CPXM2: variants seen among roughly 807,000 people sequenced by gnomAD.
CPXM2 encodes the protein carboxypeptidase X, M14 family member 2.
A neutral mutation model predicts 86.1 loss-of-function variants in CPXM2; 66 were observed. The ratio of observed to expected loss-of-function variants is 0.77; its 90% CI spans 0.63 to 0.94. The LOEUF (loss-of-function observed/expected upper bound fraction) is 0.94. CPXM2 is among the 40% of genes least tolerant of loss of function. The probability of loss-of-function intolerance (pLI) is 0.00; values close to 1 mark genes in which losing one functional copy is unlikely to be tolerated. For missense variants in CPXM2, 948 were observed against 1,026.3 expected, an observed-to-expected ratio of 0.92 and a Z score of 1.04; for synonymous variants, 388 against 400.2, an observed-to-expected ratio of 0.97 and a Z score of 0.36.
At chr10:123,823,911 G>A (rs549808056) in intron 4 of CPXM2, among the ~76,000 whole-genome samples, 105 of 152,204 alleles carry the variant, frequency 6.9e-4, no homozygotes, top group Non-Finnish European at 3.8e-4. Context: ...TGAGACATGG[G>A]CCACCATGTT....
At chr10:123,771,726 A>C (rs1427892699) in intron 7 of CPXM2, among the ~76,000 whole-genome samples, 1 of 152,208 alleles carries the variant, frequency 6.6e-6, no homozygotes, top group Admixed American at 6.5e-5. Flanking sequence ...CCCACATGTC[A>C]TGAAAGGGAC....
chr10:123,875,978 G>T (rs1012556207), intron 2 of CPXM2, among the ~76,000 whole-genome samples: 1 of 151,574 alleles, frequency 6.6e-6, no homozygotes, highest in Admixed American at 6.6e-5. Context: ...TGCCACGCCC[G>T]GCTAATTTTT....
chr10:123,797,606 G>GTCTCACTCCATTGCCCCGGC (rs33953133), intron 6 of CPXM2, among the ~76,000 whole-genome samples: 15,359 of 151,550 alleles, frequency 0.1, 910 homozygotes, highest in African/African-American at 0.16. Flanking sequence ...TTGAGACAGG[G>GTCTCACTCCATTGCCCCGGC]TGGAGTGTAG....
At position 123,854,461 on chromosome 10, in the gene CPXM2, ATATATATTT is replaced by A. The variant is rs1194783433; in HGVS notation, c.513+8144_513+8152del. Among the ~76,000 whole-genome samples the A allele has an allele frequency of 2.3e-5, 3 of 131,874 alleles. No homozygotes were observed. In the East Asian group the frequency reaches 6.2e-4, roughly 27 times the overall value. 86.5% of individuals were successfully genotyped at this position (131,874 alleles called of 152,430 possible). A position where few individuals can be genotyped will look rare whatever the true frequency, so the allele number is the denominator to read the frequency against. Reference sequence around the variant, plus strand: ...TATACTTTTATATATAATATATATAATATATATTTTATATATATTTGTTTTAGAGATAAG... The same window carrying A: ...TATACTTTTATATATAATATATATAATATATATATTTGTTTTAGAGATAAG... On this transcript the variant is annotated intron_variant, in intron 3 of 13. Transcript: ENST00000241305.
intron 4 of CPXM2, among the ~76,000 whole-genome samples, chr10:123,820,346 C>T (rs376249798): frequency 5.7e-4 from 86 of 152,100 alleles, no homozygotes; most frequent in African/African-American, 1.9e-3. Flanking sequence ...TAGAAGAGAC[C>T]CTCTGAGAGA....
chr10:123,878,263 T>G (rs1367459597), intron 2 of CPXM2, among the ~76,000 whole-genome samples: 3 of 145,572 alleles, frequency 2.1e-5, no homozygotes, highest in East Asian at 2.3e-4. Context: ...GCTTTTCCCC[T>G]CCAAGGTTAT....
At chr10:123,896,451 C>T (rs1463417300), upstream of CPXM2, among the ~76,000 whole-genome samples, 1 of 152,200 alleles carries the variant, frequency 6.6e-6, no homozygotes. Context: ...GTTTAAATGG[C>T]AGTGTCCTTT....
rs114996034 is a variant in CPXM2, at chr10:123,903,647, C to G, written n.175-23338G>C. On this transcript the variant is annotated intron_variant and non_coding_transcript_variant, in intron 2 of 19. Coordinates refer to the CPXM2 transcript ENST00000368854. ...AAGAGGACTCTCATTCCCATGAGACCAGGGCATGGTTCTTCCTCATCTCAC... is the reference window on the plus strand; with the variant it reads ...AAGAGGACTCTCATTCCCATGAGACGAGGGCATGGTTCTTCCTCATCTCAC... Among the ~76,000 whole-genome samples the G allele has an allele frequency of 2.6e-3, 400 of 152,306 alleles. 3 individuals carry two copies. Among genetic ancestry groups the G allele is most frequent in the African/African-American group, 9.0e-3 (373 of 41,556 alleles).
At chr10:123,907,425 G>A (rs1363765230) in intron 2 of CPXM2, among the ~76,000 whole-genome samples, 1 of 152,194 alleles carries the variant, frequency 6.6e-6, no homozygotes, top group East Asian at 1.9e-4. Context: ...ACAACACACA[G>A]AGAAGCGGCA....
rs72843030 is a variant in CPXM2 at position 123,821,921 on chromosome 10, T to C, written c.653+20428A>G. On this transcript the variant is annotated intron_variant, in intron 4 of 13. Coordinates refer to ENST00000241305, the MANE Select transcript of CPXM2 (RefSeq NM_198148.3). The stretch of plus-strand genomic sequence containing the variant: ...CTGTTGAGGAAAGGGTAAATGTCAT[T>C]GGCAATTTATGAGTGAGGAAACTAG... Among the ~76,000 whole-genome samples the C allele has an allele frequency of 3.6e-3, 541 of 152,312 alleles. 5 individuals are homozygous for C. Among genetic ancestry groups the C allele is most frequent in the South Asian group, 0.012 (59 of 4,824 alleles).
chr10:123,871,732 T>C (rs1334201778), intron 2 of CPXM2, among the ~76,000 whole-genome samples: 1 of 152,184 alleles, frequency 6.6e-6, no homozygotes, highest in Non-Finnish European at 1.5e-5. Flanking sequence ...CTATATTAAA[T>C]TTAAGAGCAT....
chr10:123,780,538 G>A (rs991527088), intron 6 of CPXM2, among the ~76,000 whole-genome samples: 3 of 152,056 alleles, frequency 2.0e-5, no homozygotes, highest in African/African-American at 4.8e-5. Context: ...TGTTTGACTT[G>A]GTTTTTTACC....
intron 3 of CPXM2, among the ~76,000 whole-genome samples, chr10:123,854,395 T>TTA (rs1172976597): frequency 6.1e-4 from 71 of 116,744 alleles, no homozygotes; most frequent in African/African-American, 2.3e-3. Flanking sequence ...AATATATATA[T>TTA]TATATATATA....
intron 4 of CPXM2, among the ~76,000 whole-genome samples, chr10:123,829,951 GA>G (rs59952078): frequency 0.38 from 43,819 of 114,024 alleles, 6,972 homozygotes; most frequent in Middle Eastern, 0.53. Context: ...AGCCATTTGA[GA>G]AAAAAAAAAA....
At position 123,891,427 on chromosome 10, in the gene CPXM2, G is replaced by A. The variant is rs1269121549; in HGVS notation, c.233C>T (p.Pro78Leu). The change falls in exon 1 of 14, where the codon CCG (proline) becomes CTG (leucine). Residue 78 changes from proline to leucine, a missense_variant. Pro to Leu is a moderately conservative substitution (Grantham distance 98). Coordinates refer to ENST00000241305, the MANE Select transcript of CPXM2 (RefSeq NM_198148.3). The surrounding 1 kb of genome is among the most constrained non-coding windows in gnomAD (Gnocchi z 5.6). ...CTTGGGCTTGGTGGCCCTCTTGGGC[G>A]GCCTGGGCTCCTGCGGGCGCCGCTC... is the stretch of plus-strand genomic sequence containing the variant. The part of the protein sequence containing the change: ...EWERRPQEPR[P>L]PKRATKPKKA... 1.3e-6 allele frequency: 2 copies of A among 1,559,798 alleles called. No individual in the cohort carries two copies. The highest frequency in any genetic ancestry group is 1.4e-5 in the African/African-American group (1 of 73,126).
chr10:123,923,251 C>T (rs1260636164), intron 2 of CPXM2, among the ~76,000 whole-genome samples: 1 of 152,206 alleles, frequency 6.6e-6, no homozygotes, highest in Non-Finnish European at 1.5e-5. Context: ...TAACAAGCAA[C>T]TGTAATGTGT....
At chr10:123,781,514 G>A (rs1846934428) in intron 6 of CPXM2, among the ~76,000 whole-genome samples, 1 of 152,134 alleles carries the variant, frequency 6.6e-6, no homozygotes, top group Admixed American at 6.5e-5. Context: ...AGTGTTCAGC[G>A]CTCCCTCCAA....
intron 4 of CPXM2, among the ~76,000 whole-genome samples, chr10:123,833,115 G>A (rs1404974539): frequency 6.6e-6 from 1 of 152,136 alleles, no homozygotes; most frequent in Non-Finnish European, 1.5e-5. Flanking sequence ...CCCAGTCTAA[G>A]GTATTTTTGT....
At chr10:123,915,898 G>A (rs17680247) in intron 2 of CPXM2, among the ~76,000 whole-genome samples, 53,472 of 151,948 alleles carry the variant, frequency 0.35, 9,803 homozygotes, top group Middle Eastern at 0.55. Flanking sequence ...TACTCCTGAC[G>A]TTGGCCAGCA....
Sources: allele counts gnomAD v4.1 joint callset (sites outside exome capture counted in the v4.1 genomes callset), GRCh38; gene constraint gnomAD v4.1.1; non-coding constraint Gnocchi (gnomAD v3.1); transcripts MANE v1.5; gene names NCBI Gene and HGNC (gene_info 2026-07-23, HGNC 2026-07-21).